The following USP34 variants were observed in gnomAD, a reference collection of about 807,000 sequenced individuals.
USP34 encodes the protein ubiquitin carboxyl-terminal hydrolase 34.
In USP34, 70 loss-of-function variants were observed where a neutral mutation model predicts 460.3. The observed-to-expected ratio is 0.15, with a 90% CI of 0.13 to 0.19. The LOEUF is 0.19. USP34 is among the 10% of genes least tolerant of loss of function. USP34 has a pLI of 1.00. For synonymous variants in USP34, 1,647 were observed against 1,405.3 expected (o/e 1.17, Z -3.85); for missense variants, 3,985 against 4,236.2 (o/e 0.94, Z 1.65).
At chr2:61,289,136 A>T (rs188320944) in intron 33 of USP34, among the ~76,000 whole-genome samples, 1 of 152,272 alleles carries the variant, frequency 6.6e-6, no homozygotes, top group East Asian at 1.9e-4. Flanking sequence ...TCTTTAATGA[A>T]GGCAATATAA....
At chr2:61,277,643 G>A (rs1316108376) in intron 41 of USP34, 1 of 152,288 alleles carries the variant, frequency 6.6e-6, no homozygotes, top group Admixed American at 6.5e-5. Flanking sequence ...TTCAAAATTT[G>A]CTTTTCTTGT....
At chr2:61,365,149 G>C (rs1000502676) in intron 10 of USP34, among the ~76,000 whole-genome samples, 26 of 151,708 alleles carry the variant, frequency 1.7e-4, no homozygotes, top group Admixed American at 1.6e-3. Context: ...CTACTCAGGA[G>C]GCTGAGGCAG....
At position 61,405,944 on chromosome 2, in the gene USP34, T is replaced by G; in HGVS notation, c.316A>C (p.Asn106His). 2 of 1,613,782 alleles carry G rather than the reference T, an allele frequency of 1.2e-6. No individual in the cohort carries two copies. Among genetic ancestry groups the G allele is most frequent in the Non-Finnish European group, 1.7e-6 (2 of 1,179,966 alleles). Reference sequence around the variant, plus strand: ...CCTTCATTACACTCTCTATCTATATTCAGTGGTTCTTCTGCTTGATTACTC... The same window carrying G: ...CCTTCATTACACTCTCTATCTATATGCAGTGGTTCTTCTGCTTGATTACTC... ...DESNQAEEPLNIDRECNEGST... is the reference protein window; with the variant it reads ...DESNQAEEPLHIDRECNEGST... Residue 106 changes from asparagine to histidine, a missense_variant, in exon 3 of 80, where the codon AAT becomes CAT. Coordinates refer to ENST00000398571, the MANE Select transcript of USP34 (RefSeq NM_014709.4).
chr2:61,386,551 G>A (rs1693150702), intron 5 of USP34, among the ~76,000 whole-genome samples: 1 of 152,078 alleles, frequency 6.6e-6, no homozygotes, highest in African/African-American at 2.4e-5. Context: ...AGCACTTTGG[G>A]GAGCCGAGGC....
chr2:61,295,859 C>A (rs1572908671), intron 30 of USP34, among the ~76,000 whole-genome samples: 1 of 152,182 alleles, frequency 6.6e-6, no homozygotes. Context: ...TGATAATGTT[C>A]CAAATCCTAG....
chr2:61,447,147 CG>C lies in USP34; in HGVS notation c.43+23502del, dbSNP rs1371627686. Among the ~76,000 whole-genome samples, 5 of 147,540 alleles carry C rather than the reference CG, an allele frequency of 3.4e-5. No individual in the cohort carries two copies. In the East Asian group the frequency reaches 1.1e-3, roughly 32 times the overall value. ...GCATGCACCTGCAGTCTCAGCTACT[CG>C]GGAGGCTGAGGCACCCGAATCATTT... On this transcript the variant is annotated intron_variant, in intron 1 of 79. Transcript: ENST00000398571.
At chr2:61,383,139 C>A in intron 6 of USP34, 130 bp downstream of exon 6, 9 of 522,776 alleles carry the variant, frequency 1.7e-5, no homozygotes, top group South Asian at 4.9e-5. Flanking sequence ...CACTATATAC[C>A]AAACTGTTAC....
At chr2:61,419,586 G>C (rs565962084) in intron 2 of USP34, among the ~76,000 whole-genome samples, 1 of 152,108 alleles carries the variant, frequency 6.6e-6, no homozygotes, top group Non-Finnish European at 1.5e-5. Flanking sequence ...AACTAGTGAT[G>C]AGATTTTAGG....
chr2:61,264,536 G>A (rs1275496185), intron 43 of USP34, among the ~76,000 whole-genome samples: 10 of 152,090 alleles, frequency 6.6e-5, no homozygotes, highest in African/African-American at 2.2e-4. Context: ...AGTTACTCAG[G>A]AGGCTGAGGT....
At chr2:61,365,472 T>G (rs1692408279) in intron 10 of USP34, among the ~76,000 whole-genome samples, 1 of 152,016 alleles carries the variant, frequency 6.6e-6, no homozygotes, top group African/African-American at 2.4e-5. Context: ...GAGGAGAACA[T>G]TCACTCAAAC....
intron 10 of USP34, among the ~76,000 whole-genome samples, chr2:61,363,093 G>A (rs967627479): frequency 2.0e-5 from 3 of 152,064 alleles, no homozygotes; most frequent in Non-Finnish European, 4.4e-5. Flanking sequence ...TAGCCAATGA[G>A]CACAGGAAAG....
At chr2:61,405,254 A>AAAAAAAAG (rs1558575556) in intron 3 of USP34, among the ~76,000 whole-genome samples, 1 of 97,434 alleles carries the variant, frequency 1.0e-5, no homozygotes, top group Non-Finnish European at 2.0e-5. Context: ...AAAAAAAAAA[A>AAAAAAAAG]AAAGAAAGAA....
At chr2:61,406,359 G>A (rs993679915) in intron 2 of USP34, among the ~76,000 whole-genome samples, 12 of 151,968 alleles carry the variant, frequency 7.9e-5, no homozygotes, top group African/African-American at 1.5e-4. Flanking sequence ...TCAGTTTTAC[G>A]TATGGATTTG....
Position 61,343,947 on chromosome 2 carries a change from C to G in USP34, c.2368G>C (p.Ala790Pro), listed in dbSNP as rs757412115. The change falls in exon 16 of 80, where the codon GCT becomes CCT. Residue 790 changes from alanine to proline, a missense_variant. This residue lies in a region of USP34 where 716 missense variants were observed against 626.2 expected (regional missense o/e 1.14). Transcript: ENST00000398571. ...QVSAKSEKNM[A>P]DFDGEESGCE... is the part of the protein sequence containing the mutation. ...CCAGATTCTTCACCATCAAAATCAG[C>G]CATATTTTTTTCTGATTTTGCACTA... 6.2e-7 allele frequency: 1 copy of G among 1,613,928 alleles called. No individual in the cohort carries two copies.
At chr2:61,411,468 C>G (rs1450224695) in intron 2 of USP34, among the ~76,000 whole-genome samples, 8 of 152,048 alleles carry the variant, frequency 5.3e-5, no homozygotes, top group African/African-American at 1.2e-4. Flanking sequence ...CCCTTCCTAT[C>G]TGGTAACCCA....
At chr2:61,380,074 T>C (rs2103861911) in intron 7 of USP34, 95 bp downstream of exon 7, 4 of 1,009,794 alleles carry the variant, frequency 4.0e-6, no homozygotes, top group Middle Eastern at 3.1e-4. Context: ...CTTAGCACAA[T>C]GCCTAGTATG....
intron 2 of USP34, chr2:61,417,054 C>G (rs1694218151): frequency 1.5e-6 from 2 of 1,340,094 alleles, no homozygotes; most frequent in Non-Finnish European, 2.1e-6. Context: ...AGCCGGGGAA[C>G]TTGAACTTGG....
chr2:61,241,553 CTT>C lies in USP34; in HGVS notation c.6777+5_6777+6del. ...TAAAATGTTGCTCAAATGAAATTAA[CTT>C]ATACCTCTAGTAACTCTGACGAAAC... On this transcript the variant is annotated splice_donor_5th_base_variant and intron_variant, in intron 53 of 79. Coordinates refer to ENST00000398571, the MANE Select transcript of USP34 (RefSeq NM_014709.4). The C allele has an allele frequency of 6.3e-7, 1 of 1,586,232 alleles. No individual in the cohort carries two copies.
chr2:61,366,557 C>A (rs1278773332), intron 10 of USP34, among the ~76,000 whole-genome samples: 13 of 152,194 alleles, frequency 8.5e-5, no homozygotes, highest in Admixed American at 8.5e-4. Flanking sequence ...ACTGGTACCA[C>A]TGTACATTCT....
Sources: gnomAD v4.1 joint callset for allele counts (sites outside exome capture counted in the v4.1 genomes callset) on GRCh38, gnomAD v4.1.1 for gene constraint, gnomAD v4.1.1 regional missense constraint, MANE v1.5 for transcripts, NCBI Gene and HGNC (gene_info 2026-07-23, HGNC 2026-07-21) for gene names.